HDAC9: variants seen among roughly 807,000 people sequenced by gnomAD.
HDAC9 encodes the protein MEF-2 interacting transcription repressor (MITR) protein.
Under a neutral mutation model 139.4 loss-of-function variants are expected in HDAC9, and 41 were observed. The observed-to-expected ratio is 0.29, with a 90% CI of 0.23 to 0.38. HDAC9 has a LOEUF of 0.38. Ranked by LOEUF, HDAC9 falls within the 10% of genes least tolerant of loss-of-function variation. HDAC9 has a pLI of 1.00. For synonymous variants in HDAC9, 517 were observed against 476.2 expected, an observed-to-expected ratio of 1.09 and a Z score of -1.12; for missense variants, 1,147 against 1,297.0, an observed-to-expected ratio of 0.88 and a Z score of 1.78.
At chr7:18,742,352 A>G (rs1787538595) in intron 13 of HDAC9, among the ~76,000 whole-genome samples, 1 of 152,224 alleles carries the variant, frequency 6.6e-6, no homozygotes, top group Non-Finnish European at 1.5e-5. Context: ...CTCCACAAGC[A>G]AAAAGATTAT....
chr7:18,374,508 T>C (rs936593447), intron 1 of HDAC9, among the ~76,000 whole-genome samples: 6 of 152,028 alleles, frequency 3.9e-5, no homozygotes, highest in African/African-American at 2.4e-5. Flanking sequence ...TATGGCATAC[T>C]TCAGGCAATT....
chr7:18,320,544 A>C (rs1585160148), intron 1 of HDAC9, among the ~76,000 whole-genome samples: 1 of 152,172 alleles, frequency 6.6e-6, no homozygotes, highest in African/African-American at 2.4e-5. Flanking sequence ...TGAATTTGGC[A>C]AACTTGGGAT....
chr7:18,544,690 A>G (rs769242868), intron 2 of HDAC9, among the ~76,000 whole-genome samples: 5 of 152,216 alleles, frequency 3.3e-5, no homozygotes, highest in Non-Finnish European at 5.9e-5. Context: ...TTAAGAGAAC[A>G]GGAGGATGTG....
At chr7:18,617,332 T>A (rs1838913435) in intron 6 of HDAC9, among the ~76,000 whole-genome samples, 1 of 152,126 alleles carries the variant, frequency 6.6e-6, no homozygotes, top group Non-Finnish European at 1.5e-5. Context: ...CCTTATTCCC[T>A]CTCTGACCTC....
At chr7:18,162,307 G>C (rs528445626) in exon 2 of HDAC9, 3 of 1,534,912 alleles carry the variant, frequency 2.0e-6, no homozygotes, top group African/African-American at 2.7e-5. Context: ...CCTAGTCTTA[G>C]CAGTCCCTCT....
intron 3 of HDAC9, among the ~76,000 whole-genome samples, chr7:18,586,640 A>G (rs1275642254): frequency 6.6e-6 from 1 of 152,110 alleles, no homozygotes; most frequent in Non-Finnish European, 1.5e-5. Flanking sequence ...CTTGGTTTAC[A>G]AGATGTTTCT....
chr7:18,592,777 A>G (rs1479152336), intron 5 of HDAC9, among the ~76,000 whole-genome samples: 1 of 152,142 alleles, frequency 6.6e-6, no homozygotes, highest in Admixed American at 6.5e-5. Flanking sequence ...CTGAAAAACA[A>G]TTTCAAATAT....
intron 16 of HDAC9, among the ~76,000 whole-genome samples, chr7:18,781,266 T>G (rs1216079553): frequency 2.0e-5 from 3 of 152,034 alleles, no homozygotes; most frequent in Non-Finnish European, 1.5e-5. Context: ...ATATGCGAAT[T>G]CTGAGGAAAC....
intron 1 of HDAC9, among the ~76,000 whole-genome samples, chr7:18,139,596 C>T (rs1562664664): frequency 6.6e-6 from 1 of 152,166 alleles, no homozygotes. Flanking sequence ...TGAGACACCT[C>T]TAGTAGGCTG....
intron 14 of HDAC9, among the ~76,000 whole-genome samples, chr7:18,755,119 T>C (rs1051871083): frequency 2.6e-5 from 4 of 152,158 alleles, no homozygotes; most frequent in African/African-American, 4.8e-5. Flanking sequence ...GTGAATTGTC[T>C]CTAAAGGATA....
At chr7:18,640,109 G>T (rs1049310156) in intron 8 of HDAC9, among the ~76,000 whole-genome samples, 1 of 151,866 alleles carries the variant, frequency 6.6e-6, no homozygotes, top group South Asian at 2.1e-4. Flanking sequence ...AAATGTGAGT[G>T]ATTACTGGCC....
In HDAC9 at chr7:18,993,142, T is replaced by TGA. The variant is rs1554423853; in HGVS notation, c.3171-2881_3171-2880insGA. The stretch of plus-strand genomic sequence containing the variant: ...TCTTTTTTAAAAATGTAGACATATT[T>TGA]TTTGATTATATGAAGATAATGCCAC... On this transcript the variant is annotated intron_variant, in intron 25 of 25. Coordinates refer to ENST00000686413, the MANE Select transcript of HDAC9 (RefSeq NM_178425.4). 4.6e-5 allele frequency among the ~76,000 whole-genome samples: 7 copies of TGA among 151,454 alleles called. No homozygotes were observed. The South Asian group carries it at 1.5e-3, about 32-fold the overall frequency.
intron 12 of HDAC9, among the ~76,000 whole-genome samples, chr7:18,687,581 A>G (rs1164194841): frequency 6.6e-6 from 1 of 151,848 alleles, no homozygotes; most frequent in Non-Finnish European, 1.5e-5. Context: ...GATGCAGGAC[A>G]TCATTATTTT....
intron 2 of HDAC9, among the ~76,000 whole-genome samples, chr7:18,536,269 G>A (rs1229827851): frequency 1.3e-5 from 2 of 152,134 alleles, no homozygotes; most frequent in Non-Finnish European, 2.9e-5. Context: ...TGTCACTGTG[G>A]TAATCTGCCT....
At chr7:18,483,127 A>G (rs963110918) in intron 1 of HDAC9, among the ~76,000 whole-genome samples, 2 of 152,228 alleles carry the variant, frequency 1.3e-5, no homozygotes, top group Non-Finnish European at 2.9e-5. Context: ...GAGATGCAGA[A>G]AATAATATGG....
chr7:18,688,279 G>A (rs1782423159), intron 12 of HDAC9, among the ~76,000 whole-genome samples: 1 of 151,732 alleles, frequency 6.6e-6, no homozygotes, highest in Non-Finnish European at 1.5e-5. Context: ...GTTTTATAAA[G>A]CTCAGTCTGT....
chr7:18,942,716 C>T (rs1392580421), intron 23 of HDAC9, among the ~76,000 whole-genome samples: 2 of 152,034 alleles, frequency 1.3e-5, no homozygotes, highest in African/African-American at 4.8e-5. Flanking sequence ...GTGTGTATCT[C>T]TGCTTAAATC....
intron 17 of HDAC9, among the ~76,000 whole-genome samples, chr7:18,811,990 CA>C (rs1794211709): frequency 6.6e-6 from 1 of 151,874 alleles, no homozygotes; most frequent in Non-Finnish European, 1.5e-5. Flanking sequence ...GTAATATACA[CA>C]TGTAGCTTAT....
At chr7:18,101,577 AT>A (rs1202719357) in intron 1 of HDAC9, among the ~76,000 whole-genome samples, 1 of 152,178 alleles carries the variant, frequency 6.6e-6, no homozygotes, top group Non-Finnish European at 1.5e-5. Flanking sequence ...TAAGTATTTA[AT>A]GCTCAATTTA....
Sources: gnomAD v4.1 joint callset for allele counts (sites outside exome capture counted in the v4.1 genomes callset) on GRCh38, gnomAD v4.1.1 for gene constraint, MANE v1.5 for transcripts, NCBI Gene and HGNC (gene_info 2026-07-23, HGNC 2026-07-21) for gene names.